ROBO2: variants seen among roughly 807,000 people sequenced by gnomAD.
ROBO2 encodes roundabout homolog 2.
ROBO2 carries 53 observed loss-of-function variants against 160.8 expected under a neutral mutation model. The observed-to-expected ratio is 0.33, with a 90% CI of 0.26 to 0.41. The LOEUF (loss-of-function observed/expected upper bound fraction) is 0.41, where lower values mean the gene tolerates loss of function less well. ROBO2 is among the 10% of genes least tolerant of loss of function. The probability of loss-of-function intolerance (pLI) is 1.00; values close to 1 mark genes in which losing one functional copy is unlikely to be tolerated. For synonymous variants in ROBO2, 664 were observed against 611.7 expected (o/e 1.09, Z -1.26); for missense variants, 1,577 against 1,722.4 (o/e 0.92, Z 1.49).
intron 2 of ROBO2, among the ~76,000 whole-genome samples, chr3:76,645,166 A>C (rs2109780919): frequency 6.6e-6 from 1 of 152,312 alleles, no homozygotes; most frequent in Middle Eastern, 3.4e-3. Flanking sequence ...ATTTATTTTA[A>C]AATCCAATAA....
At chr3:76,689,387 A>G (rs1018357344) in intron 2 of ROBO2, among the ~76,000 whole-genome samples, 3 of 152,154 alleles carry the variant, frequency 2.0e-5, no homozygotes, top group Non-Finnish European at 4.4e-5. Context: ...GCACCAAGTA[A>G]TTAAAATATG....
chr3:77,597,219 A>C (rs558965133), intron 19 of ROBO2, among the ~76,000 whole-genome samples: 1 of 152,264 alleles, frequency 6.6e-6, no homozygotes, highest in Non-Finnish European at 1.5e-5. Context: ...ATGTCATGTA[A>C]GAAATAGACA....
At chr3:76,281,865 T>C (rs1322161151) in intron 2 of ROBO2, among the ~76,000 whole-genome samples, 2 of 152,004 alleles carry the variant, frequency 1.3e-5, no homozygotes, top group Non-Finnish European at 2.9e-5. Flanking sequence ...AATTGTTTCT[T>C]AGGCTGACCC....
chr3:76,653,371 C>G (rs570239244), intron 2 of ROBO2, among the ~76,000 whole-genome samples: 2 of 150,230 alleles, frequency 1.3e-5, no homozygotes, highest in Non-Finnish European at 3.0e-5. Flanking sequence ...TCTGCTTATA[C>G]GTATAGTAAA....
chr3:77,477,799 A>G (rs906741610), intron 3 of ROBO2, among the ~76,000 whole-genome samples: 5 of 145,116 alleles, frequency 3.4e-5, no homozygotes, highest in Non-Finnish European at 7.6e-5. Flanking sequence ...TCTGAGTTAT[A>G]TCTTTACACT....
chr3:76,393,949 A>G (rs955927683), intron 2 of ROBO2, among the ~76,000 whole-genome samples: 1 of 152,110 alleles, frequency 6.6e-6, no homozygotes, highest in Non-Finnish European at 1.5e-5. Context: ...GAGGGAAAGA[A>G]AAATAAAAAA....
intron 2 of ROBO2, among the ~76,000 whole-genome samples, chr3:76,913,321 C>T (rs2076105978): frequency 1.3e-5 from 2 of 152,146 alleles, no homozygotes; most frequent in South Asian, 4.1e-4. Flanking sequence ...GAGTCACGCT[C>T]TCCCTACTCG....
intron 2 of ROBO2, among the ~76,000 whole-genome samples, chr3:76,059,339 A>T (rs1366154905): frequency 2.0e-5 from 3 of 151,976 alleles, no homozygotes; most frequent in African/African-American, 7.3e-5. Flanking sequence ...AATGATTGCC[A>T]TTCTAACTGG....
chr3:77,011,079 TTCTTTCTTTTTC>T (rs368123131), intron 2 of ROBO2, among the ~76,000 whole-genome samples: 41 of 145,608 alleles, frequency 2.8e-4, no homozygotes, highest in African/African-American at 6.3e-4. Context: ...CTTTCTTTCT[TTCTTTCTTTTTC>T]TTTCTATCTT....
At chr3:76,267,604 A>C (rs1707175615) in intron 2 of ROBO2, among the ~76,000 whole-genome samples, 1 of 152,142 alleles carries the variant, frequency 6.6e-6, no homozygotes. Flanking sequence ...AATATGTTTA[A>C]TGTTTCTTAC....
intron 2 of ROBO2, among the ~76,000 whole-genome samples, chr3:76,500,395 G>A (rs1041626983): frequency 4.6e-5 from 7 of 152,180 alleles, no homozygotes; most frequent in Admixed American, 4.6e-4. Flanking sequence ...TTACAGGTGT[G>A]AGCCACCGCA....
intron 4 of ROBO2, among the ~76,000 whole-genome samples, chr3:77,492,917 C>G (rs959172743): frequency 6.6e-5 from 10 of 152,144 alleles, no homozygotes; most frequent in African/African-American, 2.4e-4. Context: ...TTTAATCTCT[C>G]TTTTTCCTGT....
chr3:76,037,237 A>C (rs189922702), intron 2 of ROBO2, among the ~76,000 whole-genome samples: 1 of 151,548 alleles, frequency 6.6e-6, no homozygotes, highest in African/African-American at 2.4e-5. Context: ...CTAAATTAAA[A>C]ATGCATGTAC....
intron 2 of ROBO2, among the ~76,000 whole-genome samples, chr3:76,321,985 A>C (rs2072566332): frequency 6.6e-6 from 1 of 151,856 alleles, no homozygotes; most frequent in East Asian, 1.9e-4. Context: ...TCTAGCACAC[A>C]GAATCATGTG....
intron 2 of ROBO2, among the ~76,000 whole-genome samples, chr3:75,945,957 C>G (rs895722180): frequency 6.6e-6 from 1 of 152,036 alleles, no homozygotes; most frequent in Admixed American, 6.6e-5. Context: ...TCTCTACAGT[C>G]AAGATACTTG....
chr3:76,857,599 A>G (rs2070268794), intron 2 of ROBO2, among the ~76,000 whole-genome samples: 1 of 152,136 alleles, frequency 6.6e-6, no homozygotes, highest in African/African-American at 2.4e-5. Flanking sequence ...AGCACTGACA[A>G]TGAACACGTT....
At chr3:76,398,699 ATAGTT>A (rs1175844955) in intron 2 of ROBO2, among the ~76,000 whole-genome samples, 3 of 151,366 alleles carry the variant, frequency 2.0e-5, no homozygotes, top group Non-Finnish European at 4.4e-5. Flanking sequence ...AAATATACTA[ATAGTT>A]TAGTATATTC....
chr3:76,480,288 A>G (rs1303793572), intron 2 of ROBO2, among the ~76,000 whole-genome samples: 2 of 152,122 alleles, frequency 1.3e-5, no homozygotes, highest in Admixed American at 1.3e-4. Context: ...CTCTTTAAGA[A>G]AATGTGCTTT....
intron 2 of ROBO2, among the ~76,000 whole-genome samples, chr3:77,029,247 T>C (rs534039277): frequency 1.3e-5 from 2 of 152,292 alleles, no homozygotes; most frequent in Non-Finnish European, 2.9e-5. Flanking sequence ...GCTTCTGTCA[T>C]ATCCAATGTA....
Sources: allele counts gnomAD v4.1 joint callset (sites outside exome capture counted in the v4.1 genomes callset), GRCh38; gene constraint gnomAD v4.1.1; transcripts MANE v1.5; gene names NCBI Gene and HGNC (gene_info 2026-07-23, HGNC 2026-07-21).